Variants in CCDC91 observed in about 807,000 individuals in gnomAD.
CCDC91 encodes the protein coiled-coil domain containing 91.
In CCDC91, 48 loss-of-function variants were observed where a neutral mutation model predicts 63.2. That is an observed-to-expected ratio of 0.76 (90% CI 0.60 to 0.97). The LOEUF (loss-of-function observed/expected upper bound fraction) is 0.97, where lower values mean the gene tolerates loss of function less well. Ranked by LOEUF, CCDC91 falls within the 50% of genes least tolerant of loss-of-function variation. The pLI is 0.00. For synonymous variants in CCDC91, 167 were observed against 165.8 expected, an observed-to-expected ratio of 1.01 and a Z score of -0.06; for missense variants, 500 against 494.6, an observed-to-expected ratio of 1.01 and a Z score of -0.10.
intron 7 of CCDC91, among the ~76,000 whole-genome samples, chr12:28,381,465 G>T (rs1199129321): frequency 1.3e-5 from 2 of 151,830 alleles, no homozygotes; most frequent in African/African-American, 2.4e-5. Context: ...AATTAATTTT[G>T]CTCCCATTGG....
chr12:28,329,481 A>T (rs1320083472), intron 6 of CCDC91, among the ~76,000 whole-genome samples: 1 of 151,866 alleles, frequency 6.6e-6, no homozygotes, highest in Non-Finnish European at 1.5e-5. Flanking sequence ...ATTTAATTTT[A>T]TATGATAAGG....
intron 1 of CCDC91, among the ~76,000 whole-genome samples, chr12:28,231,872 C>T (rs75118859): frequency 0.016 from 2,420 of 152,218 alleles, 59 homozygotes; most frequent in African/African-American, 0.055. Context: ...GCACAGCTAT[C>T]TTCAATGGTG....
intron 11 of CCDC91, among the ~76,000 whole-genome samples, chr12:28,461,580 A>G (rs901790015): frequency 6.6e-6 from 1 of 152,046 alleles, no homozygotes; most frequent in African/African-American, 2.4e-5. Flanking sequence ...TAAGTTTTCT[A>G]AATTTCAGGG....
chr12:28,515,096 C>G (rs961938520), intron 12 of CCDC91, among the ~76,000 whole-genome samples: 1 of 151,744 alleles, frequency 6.6e-6, no homozygotes, highest in Non-Finnish European at 1.5e-5. Context: ...AAACTCCTTT[C>G]TTCCCCACCC....
At chr12:28,482,307 T>C (rs1951491653) in intron 11 of CCDC91, among the ~76,000 whole-genome samples, 1 of 152,054 alleles carries the variant, frequency 6.6e-6, no homozygotes, top group Non-Finnish European at 1.5e-5. Flanking sequence ...TTTTATAAAT[T>C]GCTGTAGTTT....
intron 7 of CCDC91, among the ~76,000 whole-genome samples, chr12:28,380,634 G>A (rs1156355513): frequency 5.3e-5 from 8 of 152,034 alleles, no homozygotes; most frequent in African/African-American, 1.7e-4. Context: ...GACCTGTTCT[G>A]ATGCAGTTGA....
At chr12:28,224,118 A>G (rs1043003099) in intron 1 of CCDC91, among the ~76,000 whole-genome samples, 1 of 151,864 alleles carries the variant, frequency 6.6e-6, no homozygotes, top group African/African-American at 2.4e-5. Flanking sequence ...AAAGAAGTAC[A>G]TTTTTTTTCC....
intron 7 of CCDC91, among the ~76,000 whole-genome samples, chr12:28,372,603 T>C (rs1039578930): frequency 4.4e-4 from 67 of 152,154 alleles, no homozygotes; most frequent in East Asian, 1.9e-4. Context: ...TTTGTAGCTA[T>C]TGTAAATGGA....
chr12:28,466,505 T>A (rs1950558187), intron 11 of CCDC91, among the ~76,000 whole-genome samples: 1 of 152,148 alleles, frequency 6.6e-6, no homozygotes, highest in Non-Finnish European at 1.5e-5. Flanking sequence ...AGCTCCAATA[T>A]GTCTGGCAGC....
rs1248847943 is a variant in CCDC91, at chr12:28,307,703, A to G, written c.530A>G (p.Lys177Arg). Reference sequence around the variant, plus strand: ...TTAGAAAAAGGCTTTCTAAAAGAAAAAGAGCAAGAGGCCATTTCTTTTCAA... The same window carrying G: ...TTAGAAAAAGGCTTTCTAAAAGAAAGAGAGCAAGAGGCCATTTCTTTTCAA... ...NVLEKGFLKE[K>R]EQEAISFQDR... Residue 177 changes from lysine to arginine, a missense_variant, in exon 6 of 13, where the codon AAA (lysine) becomes AGA (arginine). Lys to Arg is a conservative substitution (Grantham distance 26, BLOSUM62 2). Transcript: ENST00000536442. 3 of 1,593,074 alleles carry G rather than the reference A, an allele frequency of 1.9e-6. No individual in the cohort carries two copies. Among genetic ancestry groups the G allele is most frequent in the Middle Eastern group, 3.3e-4 (2 of 6,016 alleles).
intron 3 of CCDC91, among the ~76,000 whole-genome samples, chr12:28,267,032 C>A (rs1947236482): frequency 1.3e-5 from 2 of 151,506 alleles, no homozygotes; most frequent in African/African-American, 4.8e-5. Context: ...AGAAAAGATA[C>A]TTTTTATTGT....
chr12:28,507,805 C>G (rs916207302), intron 12 of CCDC91, among the ~76,000 whole-genome samples: 1 of 151,958 alleles, frequency 6.6e-6, no homozygotes, highest in Non-Finnish European at 1.5e-5. Flanking sequence ...GCAAAAAATT[C>G]ATTAGGGAAT....
chr12:28,533,238 A>G (rs1273769975), intron 12 of CCDC91, among the ~76,000 whole-genome samples: 3 of 152,046 alleles, frequency 2.0e-5, no homozygotes, highest in Admixed American at 1.3e-4. Flanking sequence ...ACATAATTCT[A>G]TTTTAAAATA....
At chr12:28,375,991 A>C (rs934695678) in intron 7 of CCDC91, among the ~76,000 whole-genome samples, 3 of 151,870 alleles carry the variant, frequency 2.0e-5, no homozygotes, top group Non-Finnish European at 4.4e-5. Context: ...TTGATTCTCA[A>C]CTTCTACAGT....
At chr12:28,464,293 T>C (rs11049635) in intron 11 of CCDC91, among the ~76,000 whole-genome samples, 31,758 of 152,144 alleles carry the variant, frequency 0.21, 4,348 homozygotes, top group Non-Finnish European at 0.31. Context: ...TAGGTGAGTC[T>C]TAGCACAGAA....
intron 8 of CCDC91, among the ~76,000 whole-genome samples, chr12:28,429,920 A>G (rs1445461433): frequency 1.3e-5 from 2 of 152,042 alleles, no homozygotes; most frequent in Admixed American, 6.6e-5. Flanking sequence ...ACTATCAAGT[A>G]GAATCTTTAG....
intron 6 of CCDC91, among the ~76,000 whole-genome samples, chr12:28,352,673 T>TTTA (rs942481465): frequency 2.0e-5 from 3 of 152,158 alleles, no homozygotes; most frequent in Non-Finnish European, 2.9e-5. Flanking sequence ...TGGAAAGGAA[T>TTTA]TTATTATTAT....
chr12:28,436,837 C>G (rs1371300745), intron 8 of CCDC91, among the ~76,000 whole-genome samples: 2 of 151,846 alleles, frequency 1.3e-5, no homozygotes, highest in African/African-American at 4.8e-5. Flanking sequence ...GTAATGCATA[C>G]TTTTAGGAAT....
At chr12:28,483,481 A>G (rs921712840) in intron 11 of CCDC91, among the ~76,000 whole-genome samples, 6 of 152,058 alleles carry the variant, frequency 3.9e-5, no homozygotes, top group African/African-American at 1.4e-4. Flanking sequence ...CTATTTCAAT[A>G]AACGGAGAGT....
Sources: gnomAD v4.1 joint callset for allele counts (sites outside exome capture counted in the v4.1 genomes callset) on GRCh38, gnomAD v4.1.1 for gene constraint, MANE v1.5 for transcripts, NCBI Gene and HGNC (gene_info 2026-07-23, HGNC 2026-07-21) for gene names.